TUT1: variants seen among roughly 807,000 people sequenced by gnomAD.
TUT1 encodes speckle targeted PIP5K1A-regulated poly(A) polymerase.
Under a neutral mutation model 48.8 loss-of-function variants are expected in TUT1, and 26 were observed. The ratio of observed to expected loss-of-function variants is 0.53; its 90% CI spans 0.39 to 0.74. TUT1 has a LOEUF of 0.74. Among genes scored for constraint, TUT1 ranks in the 30% least tolerant of loss-of-function variants. TUT1 has a pLI of 0.00. For missense variants in TUT1, 1,065 were observed against 1,114.8 expected (o/e 0.96, Z 0.64); for synonymous variants, 470 against 460.8 (o/e 1.02, Z -0.26).
At chr11:62,581,309 G>A (rs982870334) in intron 3 of TUT1, 77 bp downstream of exon 3, 100 of 1,557,130 alleles carry the variant, frequency 6.4e-5, no homozygotes, top group African/African-American at 6.1e-4. Flanking sequence ...CACCTCTAGC[G>A]GAGGAAGGAC....
chr11:62,578,305 G>A (rs1941763107), intron 5 of TUT1, among the ~76,000 whole-genome samples: 1 of 152,154 alleles, frequency 6.6e-6, no homozygotes, highest in Admixed American at 6.5e-5. Flanking sequence ...CCCGCACTTT[G>A]GGAGGCCGAG....
At chr11:62,576,370 A>G in intron 8 of TUT1, 126 bp from the exon 9 acceptor site, 1 of 1,221,792 alleles carries the variant, frequency 8.2e-7, no homozygotes, top group Non-Finnish European at 1.1e-6. Context: ...GAGTCCCAGG[A>G]AGCTAGGCTT....
chr11:62,576,400 G>C (rs1941728573), intron 8 of TUT1, 156 bp from the exon 9 acceptor site: 9 of 989,460 alleles, frequency 9.1e-6, no homozygotes, highest in Non-Finnish European at 1.3e-5. Context: ...CTATAAACAA[G>C]AGGTCAAACC....
chr11:62,577,788 G>A (rs1393224076), intron 5 of TUT1, among the ~76,000 whole-genome samples: 3 of 152,130 alleles, frequency 2.0e-5, no homozygotes, highest in African/African-American at 4.8e-5. Flanking sequence ...ATTCTAGGGC[G>A]CGGTGCCTCA....
At chr11:62,576,307 T>C in intron 8 of TUT1, 63 bp from the exon 9 acceptor site, 1 of 1,452,454 alleles carries the variant, frequency 6.9e-7, no homozygotes, top group Non-Finnish European at 9.0e-7. Flanking sequence ...ATACAGGTCC[T>C]GCACCAGAGC....
chr11:62,575,132 G>A lies in TUT1; in HGVS notation c.2587C>T (p.Gln863Ter), dbSNP rs376557209. Reference sequence around the variant, plus strand: ...CGAATTGCTTGAGGGAGGAAAACCTGTAAGAAATGATGGAGATCAGGGAAC... The same window carrying A: ...CGAATTGCTTGAGGGAGGAAAACCTATAAGAAATGATGGAGATCAGGGAAC... ...GLFPDLHHFLQVFLPQAIRHL... is the reference protein window; with the variant it reads ...GLFPDLHHFL The change falls in exon 9 of 9, where the codon CAG (glutamine) becomes TAG (stop). Residue 863 changes from glutamine (Q) to a stop codon, truncating the protein, a stop_gained. Transcript: ENST00000476907. LOFTEE classifies it high-confidence loss of function. 6.3e-7 allele frequency: 1 copy of A among 1,583,606 alleles called. No homozygotes were observed. Among genetic ancestry groups the A allele is most frequent in the Non-Finnish European group, 8.6e-7 (1 of 1,162,316 alleles).
In TUT1 at chr11:62,576,068, C is replaced by A. The variant is rs1236781722; in HGVS notation, c.1651G>T (p.Val551Phe). The change falls in exon 9 of 9, where the codon GTC becomes TTC. Residue 551 changes from valine (V) to phenylalanine (F), a missense_variant. Transcript: ENST00000476907. Reference protein sequence around the residue: ...LQDPFDLSHNVAANVTSRVAG... With the variant: ...LQDPFDLSHNFAANVTSRVAG... ...ACCCGGCTGGTCACATTGGCTGCGACATTGTGACTCAGGTCAAAAGGGTCC... is the reference window on the plus strand; with the variant it reads ...ACCCGGCTGGTCACATTGGCTGCGAAATTGTGACTCAGGTCAAAAGGGTCC... 1 of 1,613,778 alleles carries A rather than the reference C, an allele frequency of 6.2e-7. No homozygotes were observed. The highest frequency in any genetic ancestry group is 8.5e-7 in the Non-Finnish European group (1 of 1,180,038).
rs982592163 is a variant in TUT1 at position 62,579,450 on chromosome 11, C to T, written c.691-420G>A. On this transcript the variant is annotated intron_variant, in intron 4 of 8. Transcript: ENST00000476907. ...AGAATACCTTTGTTCTTGCATAACA[C>T]ACATTGAAGTATTGAGGGGTAAAGG... 1.4e-4 allele frequency among the ~76,000 whole-genome samples: 21 copies of T among 152,164 alleles called. 1 individual carries two copies. The highest frequency in any genetic ancestry group is 2.9e-5 in the Non-Finnish European group (2 of 68,034).
chr11:62,577,219 G>A lies in TUT1; in HGVS notation c.1233C>T (p.Tyr411=). The A allele has an allele frequency of 2.5e-6, 4 of 1,611,322 alleles. No homozygotes were observed. Among genetic ancestry groups the A allele is most frequent in the Non-Finnish European group, 2.5e-6 (3 of 1,179,180 alleles). Residue 411 remains tyrosine (Y), a synonymous_variant, in exon 6 of 9, where the codon TAC becomes TAT. Coordinates refer to ENST00000476907, the MANE Select transcript of TUT1 (RefSeq NM_022830.3). ...ELDGRVRPLV[Y]TLRCWAQGRG... is the part of the protein sequence containing the mutation. Reference sequence around the variant, plus strand: ...GACCCTGAGCCCAGCAGCGGAGGGTGTACACGAGGGGCCGGACTCGACCAT... The same window carrying A: ...GACCCTGAGCCCAGCAGCGGAGGGTATACACGAGGGGCCGGACTCGACCAT...
intron 2 of TUT1, among the ~76,000 whole-genome samples, chr11:62,584,729 G>A (rs1203333240): frequency 1.3e-5 from 2 of 150,914 alleles, no homozygotes. Context: ...CAGGCCATGA[G>A]CCACCATGCC....
In TUT1 at chr11:62,576,767, G is replaced by A. The variant is rs753865591; in HGVS notation, c.1382-18C>T. 62 of 1,613,442 alleles carry A rather than the reference G, an allele frequency of 3.8e-5. 2 individuals carry two copies. In the South Asian group the frequency reaches 4.1e-4, roughly 11 times the overall value. On this transcript the variant is annotated intron_variant, in intron 7 of 8. Coordinates refer to ENST00000476907, the MANE Select transcript of TUT1 (RefSeq NM_022830.3). ...CCCCTCTCCTGTGAAAGTAAATAAG[G>A]TGAGAGTCAGTCTGGAAGCAAGGAG...
At chr11:62,580,693 C>T (rs1381539064) in intron 4 of TUT1, among the ~76,000 whole-genome samples, 1 of 148,196 alleles carries the variant, frequency 6.7e-6, no homozygotes, top group Non-Finnish European at 1.5e-5. Context: ...ACCTCTGCCT[C>T]CCGGGTTCAA....
At chr11:62,585,703 C>T (rs2134313062) in intron 2 of TUT1, among the ~76,000 whole-genome samples, 1 of 152,222 alleles carries the variant, frequency 6.6e-6, no homozygotes, top group African/African-American at 2.4e-5. Flanking sequence ...TGGTGGCAGG[C>T]GCCTGTAAAC....
At chr11:62,584,414 C>T (rs1212082907) in intron 2 of TUT1, among the ~76,000 whole-genome samples, 2 of 151,422 alleles carry the variant, frequency 1.3e-5, no homozygotes, top group African/African-American at 2.4e-5. Flanking sequence ...AGGTATCAGC[C>T]ACCACACCCA....
Position 62,575,291 on chromosome 11 carries a change from C to T in TUT1, c.2428G>A (p.Val810Ile), listed in dbSNP as rs34169545. 1.2e-4 allele frequency: 199 copies of T among 1,614,190 alleles called. 3 individuals are homozygous for T. The African/African-American group carries it at 2.0e-3, about 16-fold the overall frequency. Residue 810 changes from valine (V) to isoleucine (I), a missense_variant, in exon 9 of 9, where the codon GTC (valine) becomes ATC (isoleucine). Physicochemically the swap from Val to Ile is conservative, Grantham distance 29. Transcript: ENST00000476907. ...RAGWLATEAQ[V>I]TQELKGLSGG... ...CTCAGTCCTTTCAGCTCCTGGGTGACCTGAGCCTCAGTCGCCAGCCACCCT... is the reference window on the plus strand; with the variant it reads ...CTCAGTCCTTTCAGCTCCTGGGTGATCTGAGCCTCAGTCGCCAGCCACCCT...
rs564833873 is a variant in TUT1, at chr11:62,576,108, G to A, written c.1611C>T (p.Gly537=). Residue 537 remains glycine (G), a synonymous_variant, in exon 9 of 9, where the codon GGC becomes GGT. Coordinates refer to ENST00000476907, the MANE Select transcript of TUT1 (RefSeq NM_022830.3). ...PSNLWEGLRL[G]PLNLQDPFDL... ...CAAAAGGGTCCTGGAGATTCAGGGG[G>A]CCAAGGCGCAGACCCTCCCAGAGAT... The A allele has an allele frequency of 5.6e-6, 9 of 1,614,036 alleles. No individual in the cohort carries two copies. The South Asian group carries it at 8.8e-5, about 16-fold the overall frequency.
chr11:62,575,116 T>A lies in TUT1; in HGVS notation c.2603A>T (p.Gln868Leu), dbSNP rs1941697282. ...TCTTCACTTGAGATGTCGAATTGCT[T>A]GAGGGAGGAAAACCTGTAAGAAATG... Reference protein sequence around the residue: ...LHHFLQVFLPQAIRHLK With the variant: ...LHHFLQVFLPLAIRHLK The change falls in exon 9 of 9, where the codon CAA becomes CTA. Residue 868 changes from glutamine to leucine, a missense_variant. Coordinates refer to ENST00000476907, the MANE Select transcript of TUT1 (RefSeq NM_022830.3). The A allele has an allele frequency of 6.4e-7, 1 of 1,571,478 alleles. No homozygotes were observed. Among genetic ancestry groups the A allele is most frequent in the Admixed American group, 1.8e-5 (1 of 54,926 alleles).
At chr11:62,586,009 G>C (rs974669622) in intron 2 of TUT1, among the ~76,000 whole-genome samples, 2 of 152,242 alleles carry the variant, frequency 1.3e-5, no homozygotes, top group Non-Finnish European at 2.9e-5. Flanking sequence ...GGCTGAGGCA[G>C]GAGAATCACT....
In TUT1 at chr11:62,576,736, C is replaced by G; in HGVS notation, c.1395G>C (p.Gln465His). 6.2e-7 allele frequency: 1 copy of G among 1,614,204 alleles called. No individual in the cohort carries two copies. The highest frequency in any genetic ancestry group is 8.5e-7 in the Non-Finnish European group (1 of 1,180,032). The change falls in exon 8 of 9, where the codon CAG (glutamine) becomes CAC (histidine). Residue 465 changes from glutamine to histidine, a missense_variant. Transcript: ENST00000476907. Reference protein sequence around the residue: ...QLTQKAGEGEQVEVDGWDCSF... With the variant: ...QLTQKAGEGEHVEVDGWDCSF... The stretch of plus-strand genomic sequence containing the variant: ...TGCAGTCCCAGCCATCGACTTCCAC[C>G]TGTTCCCCCTCTCCTGTGAAAGTAA...
Sources: gnomAD v4.1 joint callset for allele counts (sites outside exome capture counted in the v4.1 genomes callset) on GRCh38, gnomAD v4.1.1 for gene constraint, MANE v1.5 for transcripts, NCBI Gene and HGNC (gene_info 2026-07-23, HGNC 2026-07-21) for gene names.